Variants in COBL observed in about 807,000 individuals in gnomAD.
The protein encoded by COBL is cordon-bleu WH2 repeat protein.
In COBL, 51 loss-of-function variants were observed where a neutral mutation model predicts 98.8. That is an observed-to-expected ratio of 0.52 (90% CI 0.41 to 0.65). The LOEUF (loss-of-function observed/expected upper bound fraction) is 0.65. Among genes scored for constraint, COBL ranks in the 30% least tolerant of loss-of-function variants. The probability of loss-of-function intolerance (pLI) is 0.00; values close to 1 mark genes in which losing one functional copy is unlikely to be tolerated. For missense variants in COBL, 1,617 were observed against 1,617.5 expected (o/e 1.00, Z 0.01); for synonymous variants, 634 against 651.7 (o/e 0.97, Z 0.41).
Position 51,184,121 on chromosome 7 carries a change from T to C in COBL, c.764A>G (p.Asn255Ser). 1.3e-6 allele frequency: 2 copies of C among 1,527,660 alleles called. No individual in the cohort carries two copies. The highest frequency in any genetic ancestry group is 8.9e-7 in the Non-Finnish European group (1 of 1,121,050). 94.6% of individuals were successfully genotyped at this position (1,527,660 alleles called of 1,614,324 possible). A position where few individuals can be genotyped will look rare whatever the true frequency, so the allele number is the denominator to read the frequency against. ...KKKFLGFFKV[N>S]KRSNSKGCLT... ...CATTACCTTACTATTGCTTCTTTTA[T>C]TAACTTTGAAAAATCCCAGAAATTT... Residue 255 changes from asparagine to serine, a missense_variant, in exon 5 of 13, where the codon AAT becomes AGT. By Grantham distance (46) the Asn-to-Ser change is conservative. Around this residue, in one of 3 missense-constraint regions of COBL, gnomAD observed 75 missense variants for 120.5 expected, o/e 0.62. Coordinates refer to ENST00000265136, the MANE Select transcript of COBL (RefSeq NM_015198.5).
chr7:51,174,762 T>C (rs1222651383), intron 5 of COBL, among the ~76,000 whole-genome samples: 1 of 152,202 alleles, frequency 6.6e-6, no homozygotes, highest in Non-Finnish European at 1.5e-5. Flanking sequence ...TTGTCCCCCT[T>C]TGCCTTTAAA....
chr7:51,240,250 C>T (rs1275479029), intron 1 of COBL, among the ~76,000 whole-genome samples: 1 of 152,190 alleles, frequency 6.6e-6, no homozygotes, highest in Non-Finnish European at 1.5e-5. Flanking sequence ...CTGTCACTTC[C>T]ACATTGTGAA....
intron 2 of COBL, among the ~76,000 whole-genome samples, chr7:51,206,801 T>C (rs1217585779): frequency 1.3e-5 from 2 of 152,190 alleles, no homozygotes; most frequent in African/African-American, 2.4e-5. Flanking sequence ...GATTCACTTA[T>C]ATGTGGAATC....
intron 1 of COBL, among the ~76,000 whole-genome samples, chr7:51,231,733 G>C (rs557650056): frequency 2.6e-5 from 4 of 152,314 alleles, no homozygotes; most frequent in African/African-American, 9.6e-5. Flanking sequence ...TGCAGGGTGG[G>C]CCGAGCCAGG....
chr7:51,098,583 C>T (rs562905977), intron 6 of COBL, among the ~76,000 whole-genome samples: 3 of 152,160 alleles, frequency 2.0e-5, no homozygotes, highest in African/African-American at 7.2e-5. Flanking sequence ...AAATTGGGCC[C>T]TTACCGTTAA....
chr7:51,197,470 G>A (rs1790701125), intron 2 of COBL, among the ~76,000 whole-genome samples: 1 of 151,976 alleles, frequency 6.6e-6, no homozygotes, highest in Admixed American at 6.6e-5. Context: ...AAGCCATGTG[G>A]CAATGAAAAA....
chr7:51,290,686 G>A (rs1160375932), intron 1 of COBL, among the ~76,000 whole-genome samples: 1 of 152,012 alleles, frequency 6.6e-6, no homozygotes, highest in Non-Finnish European at 1.5e-5. Context: ...GCCCCTCCTT[G>A]TGAGTTTCAG....
intron 1 of COBL, among the ~76,000 whole-genome samples, chr7:51,243,425 C>T (rs139543173): frequency 0.017 from 2,645 of 152,260 alleles, 34 homozygotes; most frequent in African/African-American, 0.038. Flanking sequence ...GCTGCTACTA[C>T]GGGATCTATT....
chr7:51,164,984 T>C (rs1034001068), intron 5 of COBL, among the ~76,000 whole-genome samples: 2 of 151,822 alleles, frequency 1.3e-5, no homozygotes, highest in Non-Finnish European at 2.9e-5. Flanking sequence ...CGAAATAACA[T>C]ACAATGGTTA....
chr7:51,138,527 G>T (rs1799446131), intron 5 of COBL, among the ~76,000 whole-genome samples: 1 of 152,182 alleles, frequency 6.6e-6, no homozygotes, highest in African/African-American at 2.4e-5. Context: ...CCAGATCCAG[G>T]GGGAATGCAA....
chr7:51,283,344 T>C (rs1799972948), intron 1 of COBL, among the ~76,000 whole-genome samples: 1 of 152,130 alleles, frequency 6.6e-6, no homozygotes, highest in Middle Eastern at 3.4e-3. Context: ...GGGAATGCTA[T>C]GAACATATCT....
intron 1 of COBL, among the ~76,000 whole-genome samples, chr7:51,303,021 C>T (rs1277962249): frequency 6.6e-6 from 1 of 152,186 alleles, no homozygotes; most frequent in Admixed American, 6.5e-5. Flanking sequence ...GGGCTGCCGG[C>T]TCAGAAACAA....
In COBL at chr7:51,096,297, T is replaced by A. The variant is rs529242402; in HGVS notation, c.958-10993A>T. Among the ~76,000 whole-genome samples, 3 of 152,068 alleles carry A rather than the reference T, an allele frequency of 2.0e-5. No homozygotes were observed. The South Asian group carries it at 6.2e-4, about 32-fold the overall frequency. On this transcript the variant is annotated intron_variant, in intron 6 of 12. Transcript: ENST00000265136. ...TGGTTCAAAGAAGAAATCACAAGGG[T>A]AGTCAGAAAATATATTGAGACAAAT... is the stretch of plus-strand genomic sequence containing the variant.
chr7:51,086,264 G>A (rs952309603), intron 6 of COBL, among the ~76,000 whole-genome samples: 6 of 151,220 alleles, frequency 4.0e-5, no homozygotes, highest in African/African-American at 1.5e-4. Flanking sequence ...GGCTGAGGCA[G>A]GAGAATCGCT....
At chr7:51,045,918 T>G (rs780038362) in intron 7 of COBL, among the ~76,000 whole-genome samples, 30 of 152,304 alleles carry the variant, frequency 2.0e-4, no homozygotes, top group South Asian at 6.2e-4. Context: ...ATTTACAAAA[T>G]GACTAATGCG....
intron 1 of COBL, among the ~76,000 whole-genome samples, chr7:51,268,757 C>T (rs1798453921): frequency 6.6e-6 from 1 of 151,890 alleles, no homozygotes; most frequent in African/African-American, 2.4e-5. Flanking sequence ...TGGTGAAACC[C>T]CGCTTCTACT....
At chr7:51,113,054 G>C (rs1158533743) in intron 6 of COBL, among the ~76,000 whole-genome samples, 8 of 152,080 alleles carry the variant, frequency 5.3e-5, no homozygotes, top group African/African-American at 1.7e-4. Context: ...ACAGGTCTAG[G>C]GTGTGAAATG....
chr7:51,060,454 C>T (rs2128909294), intron 7 of COBL, among the ~76,000 whole-genome samples: 1 of 152,274 alleles, frequency 6.6e-6, no homozygotes, highest in South Asian at 2.1e-4. Context: ...TACCAAGTTC[C>T]CCACTACCTT....
chr7:51,260,799 G>A (rs1014046181), intron 1 of COBL, among the ~76,000 whole-genome samples: 3 of 152,180 alleles, frequency 2.0e-5, no homozygotes, highest in African/African-American at 7.2e-5. Context: ...CAGGGACCAG[G>A]CGGCAGAGCC....
Sources: gnomAD v4.1 joint callset for allele counts (sites outside exome capture counted in the v4.1 genomes callset) on GRCh38, gnomAD v4.1.1 for gene constraint, gnomAD v4.1.1 regional missense constraint, MANE v1.5 for transcripts, NCBI Gene and HGNC (gene_info 2026-07-23, HGNC 2026-07-21) for gene names.